The following ANO2 variants were observed in gnomAD, a reference collection of about 807,000 sequenced individuals.
ANO2 encodes anoctamin 2.
Under a neutral mutation model 124.2 loss-of-function variants are expected in ANO2, and 101 were observed. The ratio of observed to expected loss-of-function variants is 0.81; its 90% confidence interval spans 0.69 to 0.96. The LOEUF (loss-of-function observed/expected upper bound fraction) is 0.96. Ranked by LOEUF, ANO2 falls within the 40% of genes least tolerant of loss-of-function variation. The pLI is 0.00. For missense variants in ANO2, 1,293 were observed against 1,274.5 expected (o/e 1.01, Z -0.22); for synonymous variants, 486 against 482.5 (o/e 1.01, Z -0.09).
intron 3 of ANO2, among the ~76,000 whole-genome samples, chr12:5,875,073 T>C (rs1248463247): frequency 6.6e-6 from 1 of 152,234 alleles, no homozygotes; most frequent in Non-Finnish European, 1.5e-5. Context: ...ACCTGGCCCC[T>C]CTCTCATCAC....
At chr12:5,663,439 C>T (rs1947542953) in intron 14 of ANO2, among the ~76,000 whole-genome samples, 1 of 152,204 alleles carries the variant, frequency 6.6e-6, no homozygotes, top group African/African-American at 2.4e-5. Flanking sequence ...GGACTAGGCC[C>T]TGTGTGCAGG....
chr12:5,744,126 C>A, intron 12 of ANO2, 31 bp downstream of exon 12: 1 of 1,612,348 alleles, frequency 6.2e-7, no homozygotes, highest in Non-Finnish European at 8.5e-7. Flanking sequence ...AGGAACCACC[C>A]ATATAAGCAA....
At chr12:5,661,488 GTGCC>G (rs1390036390) in intron 14 of ANO2, among the ~76,000 whole-genome samples, 2 of 152,082 alleles carry the variant, frequency 1.3e-5, no homozygotes, top group African/African-American at 4.8e-5. Flanking sequence ...GCTCTAAGGG[GTGCC>G]TATAGCTTAC....
intron 1 of ANO2, among the ~76,000 whole-genome samples, chr12:5,936,070 C>T (rs1189310630): frequency 1.3e-5 from 2 of 152,154 alleles, no homozygotes; most frequent in African/African-American, 2.4e-5. Context: ...AGCTTTTGCT[C>T]ATTTTAAAAT....
intron 9 of ANO2, among the ~76,000 whole-genome samples, chr12:5,801,494 G>A (rs1414472146): frequency 1.3e-5 from 2 of 152,166 alleles, no homozygotes; most frequent in Non-Finnish European, 2.9e-5. Flanking sequence ...CAGGTACTTC[G>A]GAAGCCCATC....
chr12:5,849,303 C>T (rs1295407537), intron 4 of ANO2, among the ~76,000 whole-genome samples: 1 of 152,166 alleles, frequency 6.6e-6, no homozygotes, highest in Non-Finnish European at 1.5e-5. Flanking sequence ...TAGCCTGCAT[C>T]GACCTTGTCT....
Position 5,617,736 on chromosome 12 carries a change from C to T in ANO2, c.1817-2439G>A, listed in dbSNP as rs553245901. On this transcript the variant is annotated intron_variant, in intron 16 of 24. Transcript: ENST00000682330. ...CAAGATCACACTGTACCACACTCTC[C>T]GGATCACAGTGTGCCACACTCTCCA... Among the ~76,000 whole-genome samples, 15 of 151,468 alleles carry T rather than the reference C, an allele frequency of 9.9e-5. No homozygotes were observed. The South Asian group carries it at 1.1e-3, about 11-fold the overall frequency.
chr12:5,887,222 C>T (rs1938984645), intron 3 of ANO2, among the ~76,000 whole-genome samples: 1 of 151,938 alleles, frequency 6.6e-6, no homozygotes, highest in African/African-American at 2.4e-5. Flanking sequence ...ATAAAATCCA[C>T]ACATAAAGAG....
chr12:5,868,301 C>T lies in ANO2; in HGVS notation c.535-14160G>A, dbSNP rs184027127. Among the ~76,000 whole-genome samples the T allele has an allele frequency of 2.5e-3, 377 of 152,220 alleles. 1 individual carries two copies. Among genetic ancestry groups the T allele is most frequent in the Non-Finnish European group, 4.5e-3 (306 of 68,028 alleles). ...ATGAAGGTCATGTGGTCTCTAGAAGCAGGGCACATTAAAGAAGAGCTCAGA... is the reference window on the plus strand; with the variant it reads ...ATGAAGGTCATGTGGTCTCTAGAAGTAGGGCACATTAAAGAAGAGCTCAGA... On this transcript the variant is annotated intron_variant, in intron 3 of 24. Transcript: ENST00000682330.
chr12:5,665,690 G>A (rs917690250), intron 14 of ANO2, among the ~76,000 whole-genome samples: 19 of 151,826 alleles, frequency 1.3e-4, no homozygotes, highest in Non-Finnish European at 2.5e-4. Flanking sequence ...CCAGTCCCTG[G>A]TCCCACTCTG....
chr12:5,864,833 A>T (rs1243298056), intron 3 of ANO2, among the ~76,000 whole-genome samples: 1 of 152,204 alleles, frequency 6.6e-6, no homozygotes, highest in Non-Finnish European at 1.5e-5. Context: ...TACACTTAAT[A>T]GCCATCAAAC....
intron 3 of ANO2, among the ~76,000 whole-genome samples, chr12:5,894,789 C>T (rs946490128): frequency 6.6e-6 from 1 of 152,030 alleles, no homozygotes; most frequent in East Asian, 1.9e-4. Flanking sequence ...TTGTCAAAGA[C>T]CAGATGGTTG....
intron 8 of ANO2, among the ~76,000 whole-genome samples, chr12:5,807,068 A>G (rs1191794856): frequency 6.6e-6 from 1 of 152,240 alleles, no homozygotes; most frequent in Admixed American, 6.5e-5. Context: ...GAAAAGCTCA[A>G]ACAAAGCCCA....
At chr12:5,566,760 G>A (rs574882169) in intron 23 of ANO2, among the ~76,000 whole-genome samples, 1 of 152,236 alleles carries the variant, frequency 6.6e-6, no homozygotes. Flanking sequence ...GCTTGGAGAA[G>A]TTGAAGTGTG....
intron 10 of ANO2, among the ~76,000 whole-genome samples, chr12:5,771,338 C>T (rs1234269139): frequency 1.3e-5 from 2 of 152,162 alleles, no homozygotes; most frequent in Admixed American, 1.3e-4. Context: ...TCAAAGCTAC[C>T]TAATTTCAAC....
At chr12:5,604,711 G>A (rs1944124241) in intron 19 of ANO2, among the ~76,000 whole-genome samples, 1 of 151,980 alleles carries the variant, frequency 6.6e-6, no homozygotes, top group Non-Finnish European at 1.5e-5. Flanking sequence ...ATCATTCCCA[G>A]ATTTCCTCCT....
Position 5,739,372 on chromosome 12 carries a change from C to T in ANO2, c.1379G>A (p.Arg460Lys), listed in dbSNP as rs1228066321. 1.2e-6 allele frequency: 2 copies of T among 1,606,596 alleles called. No homozygotes were observed. Among genetic ancestry groups the T allele is most frequent in the Admixed American group, 1.7e-5 (1 of 59,066 alleles). Reference sequence around the variant, plus strand: ...AAAGTAGCCCAGTCGCATCTGTAGCCTCTTCCAGTTTTCCAGGAACATGGT... The same window carrying T: ...AAAGTAGCCCAGTCGCATCTGTAGCTTCTTCCAGTTTTCCAGGAACATGGT... ...WATMFLENWK[R>K]LQMRLGYFWD... The change falls in exon 13 of 25, where the codon AGG becomes AAG. Residue 460 changes from arginine to lysine, a missense_variant. Coordinates refer to ENST00000682330, the MANE Select transcript of ANO2 (RefSeq NM_001364791.2).
intron 4 of ANO2, among the ~76,000 whole-genome samples, chr12:5,849,132 G>A (rs1290161905): frequency 6.6e-6 from 1 of 152,178 alleles, no homozygotes; most frequent in African/African-American, 2.4e-5. Context: ...GACAGCAAAT[G>A]AGACCCCTTC....
chr12:5,827,445 A>G (rs1953992488), intron 7 of ANO2, among the ~76,000 whole-genome samples: 2 of 152,212 alleles, frequency 1.3e-5, no homozygotes, highest in South Asian at 4.1e-4. Flanking sequence ...ACTATTGGAA[A>G]TGGTGAAAAA....
Sources: allele counts gnomAD v4.1 joint callset (sites outside exome capture counted in the v4.1 genomes callset), GRCh38; gene constraint gnomAD v4.1.1; transcripts MANE v1.5; gene names NCBI Gene and HGNC (gene_info 2026-07-23, HGNC 2026-07-21).